The following ERICH1 variants were observed in gnomAD, a reference collection of about 807,000 sequenced individuals.
ERICH1 encodes the protein glutamate-rich protein 1.
A neutral mutation model predicts 39.6 loss-of-function variants in ERICH1; 56 were observed. The observed-to-expected ratio is 1.41, with a 90% CI of 1.14 to 1.77. The LOEUF is 1.77. ERICH1 is among the 40% of genes most tolerant of loss of function. The probability of loss-of-function intolerance (pLI) is 0.00; values close to 1 mark genes in which losing one functional copy is unlikely to be tolerated. For missense variants in ERICH1, 826 were observed against 575.4 expected, an observed-to-expected ratio of 1.44 and a Z score of -4.45; for synonymous variants, 313 against 223.6, an observed-to-expected ratio of 1.40 and a Z score of -3.57.
chr8:716,785 G>C (rs904130717), intron 1 of ERICH1, among the ~76,000 whole-genome samples: 3 of 152,100 alleles, frequency 2.0e-5, no homozygotes, highest in African/African-American at 7.2e-5. Context: ...CAGGGACTTG[G>C]CCTGACTGGA....
intron 3 of ERICH1, among the ~76,000 whole-genome samples, chr8:632,865 G>A (rs1355901833): frequency 6.6e-6 from 1 of 152,194 alleles, no homozygotes; most frequent in African/African-American, 2.4e-5. Flanking sequence ...TCATCTGTGG[G>A]TGGAGACCAC....
intron 4 of ERICH1, chr8:671,919 C>A (rs776561678): frequency 3.0e-4 from 49 of 161,742 alleles, no homozygotes; most frequent in Non-Finnish European, 4.5e-4. Flanking sequence ...GCTCACTGGG[C>A]TCCAGGCTCT....
chr8:623,493 G>GT lies in ERICH1; in HGVS notation c.977-8210dup, dbSNP rs1220682041. 2.0e-5 allele frequency among the ~76,000 whole-genome samples: 3 copies of GT among 152,016 alleles called. 1 individual carries two copies. The highest frequency in any genetic ancestry group is 2.0e-4 in the Admixed American group (3 of 15,268). On this transcript the variant is annotated intron_variant, in intron 3 of 3. Transcript: ENST00000522706. ...TCTATTTTTTAATTTAAAAATTTTT[G>GT]TTTTTTCCAGGTTTATTGAGGTATC... is the stretch of plus-strand genomic sequence containing the variant.
Position 664,436 on chromosome 8 carries a change from C to A in ERICH1, c.*167G>T, listed in dbSNP as rs1287778720. The A allele has an allele frequency of 8.0e-7, 1 of 1,257,342 alleles. No homozygotes were observed. Among genetic ancestry groups the A allele is most frequent in the East Asian group, 3.0e-5 (1 of 33,790 alleles). 77.9% of individuals were successfully genotyped at this position (1,257,342 alleles called of 1,614,324 possible). On this transcript the variant is annotated 3_prime_UTR_variant, in exon 6 of 6. Coordinates refer to ENST00000262109, the MANE Select transcript of ERICH1 (RefSeq NM_207332.3). Reference sequence around the variant, plus strand: ...AAATTTCCATTTTACCCCAATTTCTCATCTGAAGCCTCAGATGGCATCTTG... The same window carrying A: ...AAATTTCCATTTTACCCCAATTTCTAATCTGAAGCCTCAGATGGCATCTTG...
intron 2 of ERICH1, among the ~76,000 whole-genome samples, chr8:702,120 G>A (rs904370857): frequency 1.3e-5 from 2 of 150,160 alleles, no homozygotes; most frequent in African/African-American, 5.0e-5. Flanking sequence ...TCCACTGAGA[G>A]AAGGTGTTTG....
intron 3 of ERICH1, among the ~76,000 whole-genome samples, chr8:637,933 T>C (rs61064968): frequency 0.083 from 12,689 of 152,330 alleles, 574 homozygotes; most frequent in African/African-American, 0.095. Flanking sequence ...GGCCAGGCTT[T>C]CTGCTGAGGA....
rs576685212 is a variant in ERICH1, at chr8:645,224, G to A, written c.976+23374C>T. Among the ~76,000 whole-genome samples the A allele has an allele frequency of 3.6e-4, 24 of 67,552 alleles. 10 individuals are homozygous for A. Among genetic ancestry groups the A allele is most frequent in the African/African-American group, 9.0e-4 (24 of 26,796 alleles). The allele number at this position is 67,552 out of a possible 152,430, so 44.3% of individuals were successfully genotyped here. ...CGCGTTGAGCTGTGACCGCAGACGCGCTTTCCTTGCTTTGGGACGCACCTG... is the reference window on the plus strand; with the variant it reads ...CGCGTTGAGCTGTGACCGCAGACGCACTTTCCTTGCTTTGGGACGCACCTG... On this transcript the variant is annotated intron_variant, in intron 3 of 3. Coordinates refer to the ERICH1 transcript ENST00000522706.
chr8:624,771 G>A (rs1797502493), intron 3 of ERICH1, among the ~76,000 whole-genome samples: 1 of 151,776 alleles, frequency 6.6e-6, no homozygotes, highest in Admixed American at 6.6e-5. Flanking sequence ...CTGTCACCCA[G>A]GCCGGACTGC....
In ERICH1 at chr8:673,712, T is replaced by A; in HGVS notation, c.640A>T (p.Ser214Cys). The A allele has an allele frequency of 6.2e-7, 1 of 1,614,188 alleles. No individual in the cohort carries two copies. The highest frequency in any genetic ancestry group is 1.1e-5 in the South Asian group (1 of 91,086). The change falls in exon 4 of 6, where the codon AGC (serine) becomes TGC (cysteine). Residue 214 changes from serine to cysteine, a missense_variant. Ser to Cys is a moderately radical substitution (Grantham distance 112, BLOSUM62 -1). Coordinates refer to ENST00000262109, the MANE Select transcript of ERICH1 (RefSeq NM_207332.3). ...CCGGCCAGTGTCGGGTCTTCCTCGC[T>A]GGTGTCCACACCATCCTCCTCACAA... is the stretch of plus-strand genomic sequence containing the variant. ...EACEEDGVDT[S>C]EEDPTLAGEE...
At chr8:694,538 G>A (rs967841166) in intron 2 of ERICH1, among the ~76,000 whole-genome samples, 19 of 152,158 alleles carry the variant, frequency 1.2e-4, no homozygotes, top group Admixed American at 3.9e-4. Context: ...AAAACGCACC[G>A]CGCCAGGGAG....
intron 3 of ERICH1, among the ~76,000 whole-genome samples, chr8:686,254 ACT>A (rs563238005): frequency 9.2e-5 from 14 of 151,974 alleles, no homozygotes; most frequent in African/African-American, 2.7e-4. Flanking sequence ...TTCATAAATC[ACT>A]CTATTTTTGT....
intron 2 of ERICH1, among the ~76,000 whole-genome samples, chr8:695,266 T>C (rs533826044): frequency 4.6e-5 from 7 of 152,120 alleles, no homozygotes; most frequent in Middle Eastern, 3.4e-3. Flanking sequence ...ATCCGTTCCC[T>C]CCTGGCTCTC....
intron 3 of ERICH1, among the ~76,000 whole-genome samples, chr8:683,322 G>A (rs962057410): frequency 6.6e-6 from 1 of 152,138 alleles, no homozygotes; most frequent in Non-Finnish European, 1.5e-5. Flanking sequence ...GGGCTTCAGG[G>A]AATAAAGGTA....
intron 3 of ERICH1, among the ~76,000 whole-genome samples, chr8:656,528 G>T (rs1563195285): frequency 6.6e-6 from 1 of 152,322 alleles, no homozygotes; most frequent in Non-Finnish European, 1.5e-5. Flanking sequence ...CTGGTGCTAT[G>T]GACCATGCAC....
downstream of ERICH1, among the ~76,000 whole-genome samples, chr8:663,803 A>C (rs1388510598): frequency 6.6e-6 from 1 of 151,198 alleles, no homozygotes; most frequent in African/African-American, 2.4e-5. Context: ...TCTGTCGCCC[A>C]GGCTGCAGTG....
At chr8:615,444 A>G (rs1796856765) in intron 3 of ERICH1, 1 of 488,404 alleles carries the variant, frequency 2.0e-6, no homozygotes, top group African/African-American at 2.0e-5. Flanking sequence ...GATCAAAGCA[A>G]TGGTCACAAT....
In ERICH1 at chr8:673,652, C is replaced by G. The variant is rs758441030; in HGVS notation, c.700G>C (p.Gly234Arg). The G allele has an allele frequency of 1.9e-6, 3 of 1,612,954 alleles. No individual in the cohort carries two copies. The highest frequency in any genetic ancestry group is 2.5e-6 in the Non-Finnish European group (3 of 1,179,556). ...EDVKDTREED[G>R]ADASEEDLTR... ...AGGTCTTCCTCGCTAGCGTCCGCAC[C>G]ATCTTCCTCCCTGGTATCTTTAACG... is the stretch of plus-strand genomic sequence containing the variant. Residue 234 changes from glycine (G) to arginine (R), a missense_variant, in exon 4 of 6, where the codon GGT becomes CGT. Gly to Arg is a moderately radical substitution (Grantham distance 125). Coordinates refer to ENST00000262109, the MANE Select transcript of ERICH1 (RefSeq NM_207332.3).
At chr8:615,384 T>G in intron 3 of ERICH1, 1 of 569,194 alleles carries the variant, frequency 1.8e-6, no homozygotes, top group East Asian at 3.0e-5. Flanking sequence ...AAGAGATAAC[T>G]AAGATTAGTC....
At chr8:701,093 G>C (rs1478028138) in intron 2 of ERICH1, among the ~76,000 whole-genome samples, 1 of 81,632 alleles carries the variant, frequency 1.2e-5, no homozygotes, top group Non-Finnish European at 3.3e-5. Context: ...GCTGCAACTT[G>C]ACCTGATTTT....
Sources: allele counts gnomAD v4.1 joint callset (sites outside exome capture counted in the v4.1 genomes callset), GRCh38; gene constraint gnomAD v4.1.1; transcripts MANE v1.5; gene names NCBI Gene and HGNC (gene_info 2026-07-23, HGNC 2026-07-21).